The following EPHB2 variants were observed in gnomAD, a reference collection of about 807,000 sequenced individuals.
EPHB2 encodes EPH receptor B2.
Under a neutral mutation model 96.4 loss-of-function variants are expected in EPHB2, and 18 were observed. The ratio of observed to expected loss-of-function variants is 0.19; its 90% CI spans 0.13 to 0.28. The LOEUF (loss-of-function observed/expected upper bound fraction) is 0.28. Ranked by LOEUF, EPHB2 falls within the 10% of genes least tolerant of loss-of-function variation. EPHB2 has a pLI of 1.00. For synonymous variants in EPHB2, 506 were observed against 534.1 expected (o/e 0.95, Z 0.72); for missense variants, 989 against 1,355.4 (o/e 0.73, Z 4.25).
rs1386557134 is a variant in EPHB2, at chr1:22,864,887, C to T, written c.978C>T (p.Ser326=). ...PLDMPCTTIP[S]APQAVISSVN... ...TCTCCCCCGCCCCAGCCATCCCCTC[C>T]GCGCCCCAGGCTGTGATTTCCAGTG... is the stretch of plus-strand genomic sequence containing the variant. Residue 326 remains serine (S), a synonymous_variant, in exon 5 of 16, where the codon TCC becomes TCT. Coordinates refer to ENST00000374630, the MANE Select transcript of EPHB2 (RefSeq NM_017449.5). The T allele has an allele frequency of 4.4e-6, 7 of 1,606,718 alleles. No homozygotes were observed. The highest frequency in any genetic ancestry group is 1.7e-6 in the Non-Finnish European group (2 of 1,176,856).
intron 3 of EPHB2, among the ~76,000 whole-genome samples, chr1:22,816,065 C>T (rs1483651091): frequency 6.6e-6 from 1 of 152,176 alleles, no homozygotes; most frequent in African/African-American, 2.4e-5. Context: ...CCCATCTATA[C>T]AATGGGACTT....
intron 3 of EPHB2, among the ~76,000 whole-genome samples, chr1:22,817,401 A>G (rs1645089876): frequency 6.6e-6 from 1 of 152,226 alleles, no homozygotes; most frequent in African/African-American, 2.4e-5. Flanking sequence ...TCACACAGCT[A>G]GATTAGAACC....
chr1:22,866,166 T>C (rs1638468220), intron 5 of EPHB2, among the ~76,000 whole-genome samples: 1 of 152,178 alleles, frequency 6.6e-6, no homozygotes, highest in Non-Finnish European at 1.5e-5. Context: ...GTAGAAGATC[T>C]CATGGTTGGC....
In EPHB2 at chr1:22,906,073, A is replaced by G. The variant is rs766333596; in HGVS notation, c.1852A>G (p.Ile618Val). ...GCGGGAGTTTGCCAAGGAAATTGAC[A>G]TCTCCTGTGTCAAAATTGAGCAGGT... The part of the protein sequence containing the change: ...AVREFAKEID[I>V]SCVKIEQVIG... Residue 618 changes from isoleucine to valine, a missense_variant, in exon 10 of 16, where the codon ATC becomes GTC. Coordinates refer to ENST00000374630, the MANE Select transcript of EPHB2 (RefSeq NM_017449.5). This position sits in a 1 kb window ranked among gnomAD's most constrained non-coding sequence, Gnocchi z 4.8. 3 of 1,614,086 alleles carry G rather than the reference A, an allele frequency of 1.9e-6. No homozygotes were observed. The African/African-American group carries it at 4.0e-5, about 22-fold the overall frequency.
At chr1:22,882,301 GC>G in intron 5 of EPHB2, 57 bp from the exon 6 acceptor site, 1 of 1,605,112 alleles carries the variant, frequency 6.2e-7, no homozygotes, top group Non-Finnish European at 8.5e-7. Context: ...CTGAGGGTGG[GC>G]CAGAAGCTGC....
At chr1:22,729,553 G>A (rs1020712294) in intron 1 of EPHB2, among the ~76,000 whole-genome samples, 1 of 152,102 alleles carries the variant, frequency 6.6e-6, no homozygotes, top group Non-Finnish European at 1.5e-5. Flanking sequence ...AGCCACTCTG[G>A]CCTTTCAGTT....
At chr1:22,746,816 C>A (rs1570198895) in intron 1 of EPHB2, among the ~76,000 whole-genome samples, 1 of 152,130 alleles carries the variant, frequency 6.6e-6, no homozygotes, top group African/African-American at 2.4e-5. Context: ...GGGATTCAGA[C>A]CCCGCTCTGA....
rs1639929554 is a variant in EPHB2 at position 22,906,757 on chromosome 1, A to G, written c.1936A>G (p.Arg646Gly). 6.2e-7 allele frequency: 1 copy of G among 1,614,190 alleles called. No individual in the cohort carries two copies. The highest frequency in any genetic ancestry group is 8.5e-7 in the Non-Finnish European group (1 of 1,180,024). The change falls in exon 11 of 16, where the codon AGA becomes GGA. Residue 646 changes from arginine to glycine, a missense_variant. Arg to Gly is a moderately radical substitution (Grantham distance 125). Coordinates refer to ENST00000374630, the MANE Select transcript of EPHB2 (RefSeq NM_017449.5). This position sits in a 1 kb window ranked among gnomAD's most constrained non-coding sequence, Gnocchi z 4.8. ...CSGHLKLPGK[R>G]EIFVAIKTLK... ...TGGCCACCTGAAGCTGCCAGGCAAG[A>G]GAGAGATCTTTGTGGCCATCAAGAC... is the stretch of plus-strand genomic sequence containing the variant.
chr1:22,846,680 C>A lies in EPHB2; in HGVS notation c.812-16357C>A, dbSNP rs565937423. Among the ~76,000 whole-genome samples the A allele has an allele frequency of 1.3e-5, 2 of 152,346 alleles. No homozygotes were observed. Among genetic ancestry groups the A allele is most frequent in the East Asian group, 3.9e-4 (2 of 5,180 alleles). ...GCAGCAGGTCCTCAGCCTTGCCATGCAGTTTCCCATCTCCACCCCTCCGCC... is the reference window on the plus strand; with the variant it reads ...GCAGCAGGTCCTCAGCCTTGCCATGAAGTTTCCCATCTCCACCCCTCCGCC... On this transcript the variant is annotated intron_variant, in intron 3 of 15. Coordinates refer to ENST00000374630, the MANE Select transcript of EPHB2 (RefSeq NM_017449.5). This position sits in a 1 kb window ranked among gnomAD's most constrained non-coding sequence, Gnocchi z 4.3.
intron 3 of EPHB2, among the ~76,000 whole-genome samples, chr1:22,830,227 C>T (rs1017860119): frequency 6.6e-6 from 1 of 152,198 alleles, no homozygotes; most frequent in African/African-American, 2.4e-5. Flanking sequence ...GCTGCCCAGC[C>T]TTTGTCCCCA....
intron 6 of EPHB2, among the ~76,000 whole-genome samples, chr1:22,885,694 C>G (rs1639201162): frequency 6.6e-6 from 1 of 152,092 alleles, no homozygotes; most frequent in Non-Finnish European, 1.5e-5. Flanking sequence ...GATTTTTTTC[C>G]CCAGGGATGC....
intron 12 of EPHB2, 80 bp from the exon 13 acceptor site, chr1:22,908,942 G>T: frequency 6.3e-7 from 1 of 1,587,108 alleles, no homozygotes; most frequent in Non-Finnish European, 8.6e-7. Flanking sequence ...GGCATCACAG[G>T]GCACAGGGTG....
chr1:22,908,956 G>A (rs1640002669), intron 12 of EPHB2, 66 bp from the exon 13 acceptor site: 3 of 1,603,098 alleles, frequency 1.9e-6, no homozygotes, highest in Non-Finnish European at 2.6e-6. Context: ...CAGGGTGGGA[G>A]GATTAAGAGA....
rs758669097 is a variant in EPHB2, at chr1:22,908,070, A to G, written c.2254A>G (p.Ile752Val). The G allele has an allele frequency of 3.1e-6, 5 of 1,614,190 alleles. No individual in the cohort carries two copies. The highest frequency in any genetic ancestry group is 3.3e-5 in the Admixed American group (2 of 60,026). Residue 752 changes from isoleucine (I) to valine (V), a missense_variant, in exon 12 of 16, where the codon ATC (isoleucine) becomes GTC (valine). Transcript: ENST00000374630. ...YVHRDLAARN[I>V]LVNSNLVCKV... is the part of the protein sequence containing the mutation. Reference sequence around the variant, plus strand: ...TCACCGTGACCTGGCTGCCCGCAACATCCTCGTCAACAGCAACCTGGTCTG... The same window carrying G: ...TCACCGTGACCTGGCTGCCCGCAACGTCCTCGTCAACAGCAACCTGGTCTG...
chr1:22,851,763 GCT>G (rs1276921123), intron 3 of EPHB2, among the ~76,000 whole-genome samples: 3 of 152,182 alleles, frequency 2.0e-5, no homozygotes, highest in African/African-American at 7.2e-5. Flanking sequence ...ACTATTTGTA[GCT>G]CTCTGCACGC....
In EPHB2 at chr1:22,833,122, C is replaced by A. The variant is rs1002054047; in HGVS notation, c.812-29915C>A. Among the ~76,000 whole-genome samples the A allele has an allele frequency of 4.1e-5, 6 of 147,270 alleles. No individual in the cohort carries two copies. The East Asian group carries it at 1.0e-3, about 25-fold the overall frequency. On this transcript the variant is annotated intron_variant, in intron 3 of 15. Coordinates refer to ENST00000374630, the MANE Select transcript of EPHB2 (RefSeq NM_017449.5). ...ATTTAAGGGATTTTTTTTTCTTTTT[C>A]TTTTTCTTTTTTTGAGACAGAGTCT...
At chr1:22,712,672 C>A (rs1019064972) in intron 1 of EPHB2, among the ~76,000 whole-genome samples, 2 of 152,180 alleles carry the variant, frequency 1.3e-5, no homozygotes. Flanking sequence ...ACTGCGGTTT[C>A]CCGGAGTGGG....
At chr1:22,797,566 T>C (rs1161381869) in intron 3 of EPHB2, among the ~76,000 whole-genome samples, 1 of 152,018 alleles carries the variant, frequency 6.6e-6, no homozygotes, top group Non-Finnish European at 1.5e-5. Flanking sequence ...TCAAATGCCT[T>C]CTCTGGGCTG....
At chr1:22,817,754 C>A (rs1645094754) in intron 3 of EPHB2, among the ~76,000 whole-genome samples, 2 of 152,226 alleles carry the variant, frequency 1.3e-5, no homozygotes, top group African/African-American at 2.4e-5. Flanking sequence ...GCATGAGTGA[C>A]CCCCTGCTTG....
Sources: gnomAD v4.1 joint callset for allele counts (sites outside exome capture counted in the v4.1 genomes callset) on GRCh38, gnomAD v4.1.1 for gene constraint, Gnocchi (gnomAD v3.1) non-coding constraint, MANE v1.5 for transcripts, NCBI Gene and HGNC (gene_info 2026-07-23, HGNC 2026-07-21) for gene names.